The following GDPD3 variants were observed in gnomAD, a reference collection of about 807,000 sequenced individuals.
GDPD3 encodes glycerophosphodiester phosphodiesterase domain containing 3.
In GDPD3, 40 loss-of-function variants were observed where a neutral mutation model predicts 43.7. The observed-to-expected ratio is 0.91, with a 90% CI of 0.71 to 1.19. The LOEUF (loss-of-function observed/expected upper bound fraction) is 1.19, where lower values mean the gene tolerates loss of function less well. Ranked by LOEUF, GDPD3 falls within the 50% of genes most tolerant of loss-of-function variation. The pLI is 0.00. For synonymous variants in GDPD3, 145 were observed against 162.9 expected (o/e 0.89, Z 0.84); for missense variants, 363 against 415.8 (o/e 0.87, Z 1.11).
intron 9 of GDPD3, 72 bp from the exon 10 acceptor site, chr16:30,105,081 C>G: frequency 7.9e-7 from 1 of 1,266,568 alleles, no homozygotes; most frequent in Non-Finnish European, 1.1e-6. Flanking sequence ...CCACCTCCTC[C>G]TCTATGGAGA....
chr16:30,112,571 G>A lies in GDPD3; in HGVS notation c.319-3C>T. The A allele has an allele frequency of 6.2e-7, 1 of 1,614,172 alleles. No homozygotes were observed. Among genetic ancestry groups the A allele is most frequent in the Non-Finnish European group, 8.5e-7 (1 of 1,180,016 alleles). ...TTCTCCTTGTAGAGGGGCAGGTCCT[G>A]GGGAGGACAGGAAGGATGTCACTAG... On this transcript the variant is annotated splice_region_variant and splice_polypyrimidine_tract_variant and intron_variant, in intron 3 of 9. Coordinates refer to ENST00000406256, the MANE Select transcript of GDPD3 (RefSeq NM_024307.3). This position sits in a 1 kb window ranked among gnomAD's most constrained non-coding sequence, Gnocchi z 5.4.
intron 6 of GDPD3, chr16:30,111,839 A>G (rs1248703737): frequency 2.2e-5 from 12 of 537,090 alleles, no homozygotes; most frequent in Non-Finnish European, 3.7e-5. Flanking sequence ...AGGCTGAAGC[A>G]TGAGAATCGC....
intron 7 of GDPD3, among the ~76,000 whole-genome samples, chr16:30,108,890 G>C (rs1158692013): frequency 6.6e-6 from 1 of 150,664 alleles, no homozygotes; most frequent in Non-Finnish European, 1.5e-5. Context: ...GGAGTGCCGT[G>C]GTGCGATCAC....
chr16:30,106,225 A>C (rs2072860032), intron 9 of GDPD3, among the ~76,000 whole-genome samples: 1 of 152,230 alleles, frequency 6.6e-6, no homozygotes, highest in African/African-American at 2.4e-5. Context: ...TGAAGTGATT[A>C]AGTCTGTTGA....
intron 9 of GDPD3, among the ~76,000 whole-genome samples, chr16:30,105,706 T>C (rs904112569): frequency 6.7e-6 from 1 of 149,812 alleles, no homozygotes; most frequent in Non-Finnish European, 1.5e-5. Flanking sequence ...GGTTTCACCA[T>C]GTTAGCCAGG....
chr16:30,111,057 C>G lies in GDPD3; in HGVS notation c.707+331G>C, dbSNP rs118176517. 8.2e-3 allele frequency: 1,540 copies of G among 188,830 alleles called. 10 individuals carry two copies. Among genetic ancestry groups the G allele is most frequent in the Non-Finnish European group, 0.011 (1,036 of 92,088 alleles). The allele number at this position is 188,830 out of a possible 1,614,324, so 11.7% of individuals were successfully genotyped here. The stretch of plus-strand genomic sequence containing the variant: ...ATGAACGAATGTCTCCCCAGCCAGA[C>G]TGTAAGCTCACCAAGGACCTCTCCC... On this transcript the variant is annotated intron_variant, in intron 7 of 9. Coordinates refer to ENST00000406256, the MANE Select transcript of GDPD3 (RefSeq NM_024307.3).
At position 30,113,216 on chromosome 16, in the gene GDPD3, C is replaced by A; in HGVS notation, c.139+124G>T. 7.1e-7 allele frequency: 1 copy of A among 1,412,568 alleles called. No homozygotes were observed. The allele number at this position is 1,412,568 out of a possible 1,614,324, so 87.5% of individuals were successfully genotyped here. A position where few individuals can be genotyped will look rare whatever the true frequency, so the allele number is the denominator to read the frequency against. ...GCGCCAGCATCTTCTTCCTCGTCCA[C>A]ACCCTGCCCTGCCACTTCGCTCTCC... On this transcript the variant is annotated intron_variant, in intron 1 of 9. Coordinates refer to ENST00000406256, the MANE Select transcript of GDPD3 (RefSeq NM_024307.3). The surrounding 1 kb of genome is among the most constrained non-coding windows in gnomAD (Gnocchi z 5.9).
chr16:30,112,066 C>G lies in GDPD3; in HGVS notation c.573+66G>C. 2.3e-6 allele frequency: 3 copies of G among 1,331,078 alleles called. 1 individual carries two copies. The South Asian group carries it at 3.6e-5, about 16-fold the overall frequency. 82.5% of individuals were successfully genotyped at this position (1,331,078 alleles called of 1,614,324 possible). On this transcript the variant is annotated intron_variant, in intron 6 of 9. Transcript: ENST00000406256. This position sits in a 1 kb window ranked among gnomAD's most constrained non-coding sequence, Gnocchi z 5.4. ...AGCTCGGGTCCCCATGCTGGGTGGG[C>G]TCCAGCTCTGGGGAGGAGGGGCCCC...
At chr16:30,108,592 A>G in intron 7 of GDPD3, 160 bp from the exon 8 acceptor site, 3 of 644,802 alleles carry the variant, frequency 4.7e-6, no homozygotes, top group East Asian at 2.8e-5. Flanking sequence ...CAATTCACCC[A>G]TTGTTCAGAG....
Position 30,113,510 on chromosome 16 carries a change from C to T in GDPD3, c.-32G>A, listed in dbSNP as rs370252969. The T allele has an allele frequency of 1.1e-5, 16 of 1,513,652 alleles. No individual in the cohort carries two copies. The African/African-American group carries it at 2.2e-4, about 21-fold the overall frequency. 93.8% of individuals were successfully genotyped at this position (1,513,652 alleles called of 1,614,324 possible). ...ACTCCCACAGAAGCTCCTGCAGCCA[C>T]ACGCTCAGCCGTCCGCGGGACTGTG... On this transcript the variant is annotated 5_prime_UTR_variant, in exon 1 of 10. The change creates a new upstream start codon in the 5' untranslated region. Transcript: ENST00000406256. The surrounding 1 kb of genome is among the most constrained non-coding windows in gnomAD (Gnocchi z 5.9).
At chr16:30,106,299 A>G (rs954732398) in intron 9 of GDPD3, among the ~76,000 whole-genome samples, 1 of 152,176 alleles carries the variant, frequency 6.6e-6, no homozygotes, top group African/African-American at 2.4e-5. Context: ...TTCTGCATTT[A>G]GTGGCTTCAT....
intron 7 of GDPD3, 33 bp downstream of exon 7, chr16:30,111,355 G>A (rs765474131): frequency 5.6e-6 from 9 of 1,610,650 alleles, no homozygotes; most frequent in South Asian, 2.2e-5. Context: ...TAAGCAGTGG[G>A]GAGTTTTTCT....
rs763555664 is a variant in GDPD3 at position 30,108,217 on chromosome 16, A to C, written c.815T>G (p.Val272Gly). Residue 272 changes from valine to glycine, a missense_variant, in exon 9 of 10, where the codon GTG becomes GGG. Physicochemically the swap from Val to Gly is moderately radical, Grantham distance 109. Coordinates refer to ENST00000406256, the MANE Select transcript of GDPD3 (RefSeq NM_024307.3). ...AAGTGGTGGTCACGGCCTCACCTGC[A>C]CCCCTCGCTCCTCCAAGTGTCGGAT... ...SLIRHLEERG[V>G]QVVFWCLNEE... The C allele has an allele frequency of 1.3e-6, 2 of 1,598,986 alleles. No homozygotes were observed. Among genetic ancestry groups the C allele is most frequent in the African/African-American group, 1.3e-5 (1 of 74,596 alleles).
rs1368457308 is a variant in GDPD3 at position 30,112,781 on chromosome 16, C to CT, written c.194dup (p.Arg66AlafsTer22). 6.2e-7 allele frequency: 1 copy of CT among 1,608,856 alleles called. No homozygotes were observed. The highest frequency in any genetic ancestry group is 8.5e-7 in the Non-Finnish European group (1 of 1,179,826). On this transcript the variant is annotated frameshift_variant, in exon 3 of 10. Transcript: ENST00000406256. LOFTEE classifies it high-confidence loss of function. The surrounding 1 kb of genome is among the most constrained non-coding windows in gnomAD (Gnocchi z 5.4). ...AGTCGAGCTCCAGGAGGTCCGAGCG[C>CT]TGGGCCATGGAGCTGTGGGGGTGAA...
rs768915897 is a variant in GDPD3 at position 30,111,391 on chromosome 16, TTGA to T, written c.701_703del (p.Ile234del). Reference sequence around the variant, plus strand: ...GAGGTCCGCCCCCCACTGGTACCTGTTGATGATGTTGGGCAGGAAGCAGAAGAA... The same window carrying T: ...GAGGTCCGCCCCCCACTGGTACCTGTTGATGTTGGGCAGGAAGCAGAAGAA... On this transcript the variant is annotated inframe_deletion, in exon 7 of 10. Transcript: ENST00000406256. 1.2e-5 allele frequency: 20 copies of T among 1,613,524 alleles called. No individual in the cohort carries two copies. The highest frequency in any genetic ancestry group is 5.3e-5 in the African/African-American group (4 of 74,780).
intron 9 of GDPD3, 68 bp from the exon 10 acceptor site, chr16:30,105,077 C>T: frequency 7.4e-7 from 1 of 1,359,710 alleles, no homozygotes; most frequent in Non-Finnish European, 1.0e-6. Flanking sequence ...GGACCCACCT[C>T]CTCCTCTATG....
intron 9 of GDPD3, among the ~76,000 whole-genome samples, chr16:30,107,127 T>C (rs1184959302): frequency 6.6e-6 from 1 of 151,670 alleles, no homozygotes; most frequent in Non-Finnish European, 1.5e-5. Flanking sequence ...ACAGTCTGGC[T>C]ATCTCTCCCA....
In GDPD3 at chr16:30,113,299, C is replaced by T. The variant is rs952322290; in HGVS notation, c.139+41G>A. On this transcript the variant is annotated intron_variant, in intron 1 of 9. Coordinates refer to ENST00000406256, the MANE Select transcript of GDPD3 (RefSeq NM_024307.3). This position sits in a 1 kb window ranked among gnomAD's most constrained non-coding sequence, Gnocchi z 5.9. ...GCCCCCTTGGACCTACCCCTCTGTG[C>T]TGTCCACTTTGGCACCTGTTCTCAC... 1.9e-6 allele frequency: 3 copies of T among 1,561,964 alleles called. No homozygotes were observed. The highest frequency in any genetic ancestry group is 2.6e-6 in the Non-Finnish European group (3 of 1,151,818).
chr16:30,110,147 T>C (rs1018149977), intron 7 of GDPD3, among the ~76,000 whole-genome samples: 1 of 151,678 alleles, frequency 6.6e-6, no homozygotes, highest in Non-Finnish European at 1.5e-5. Flanking sequence ...TTTATAAATC[T>C]TGTATAAGGC....
Sources: gnomAD v4.1 joint callset for allele counts (sites outside exome capture counted in the v4.1 genomes callset) on GRCh38, gnomAD v4.1.1 for gene constraint, Gnocchi (gnomAD v3.1) non-coding constraint, MANE v1.5 for transcripts, NCBI Gene and HGNC (gene_info 2026-07-23, HGNC 2026-07-21) for gene names.